KCNMA1: variants seen among roughly 807,000 people sequenced by gnomAD.
KCNMA1 encodes the protein Calcium-activated potassium channel subunit alpha-1.
KCNMA1 carries 29 observed loss-of-function variants against 140.0 expected under a neutral mutation model. That is an observed-to-expected ratio of 0.21 (90% CI 0.15 to 0.28). KCNMA1 has a LOEUF of 0.28. Ranked by LOEUF, KCNMA1 falls within the 10% of genes least tolerant of loss-of-function variation. The pLI, the probability that KCNMA1 is intolerant of heterozygous loss-of-function variation, is 1.00. For synonymous variants in KCNMA1, 612 were observed against 611.9 expected (o/e 1.00, Z 0.00); for missense variants, 880 against 1,602.2 (o/e 0.55, Z 7.70).
chr10:77,212,786 A>T (rs566425855), intron 3 of KCNMA1, among the ~76,000 whole-genome samples: 49 of 152,240 alleles, frequency 3.2e-4, no homozygotes, highest in African/African-American at 1.1e-3. Flanking sequence ...AGCCAAGAGG[A>T]ATCAGCGCTC....
At chr10:77,422,908 T>C (rs1008722559) in intron 1 of KCNMA1, among the ~76,000 whole-genome samples, 3 of 152,254 alleles carry the variant, frequency 2.0e-5, no homozygotes, top group Non-Finnish European at 4.4e-5. Context: ...TCCAGCCTTC[T>C]GAACTGTGAG....
chr10:77,346,649 G>T (rs1399457628), intron 2 of KCNMA1, among the ~76,000 whole-genome samples: 1 of 152,140 alleles, frequency 6.6e-6, no homozygotes, highest in Admixed American at 6.5e-5. Context: ...TGGTCACCTT[G>T]ACTGTTAAAT....
chr10:77,552,403 T>C (rs1183820952), intron 1 of KCNMA1, among the ~76,000 whole-genome samples: 1 of 152,168 alleles, frequency 6.6e-6, no homozygotes, highest in Non-Finnish European at 1.5e-5. Context: ...GAACAAGAAG[T>C]GCATAAACAC....
At chr10:77,023,448 T>G (rs1204916014) in intron 16 of KCNMA1, among the ~76,000 whole-genome samples, 9 of 152,208 alleles carry the variant, frequency 5.9e-5, no homozygotes, top group Non-Finnish European at 1.5e-5. Context: ...AGAACATACT[T>G]TGTGCTTGAT....
intron 1 of KCNMA1, among the ~76,000 whole-genome samples, chr10:77,570,733 A>C (rs10824554): frequency 0.71 from 105,655 of 149,442 alleles, 37,990 homozygotes; most frequent in South Asian, 0.85. Flanking sequence ...AACTTAAAGT[A>C]TAATAATAAT....
At chr10:77,018,827 T>G (rs535931001) in intron 17 of KCNMA1, among the ~76,000 whole-genome samples, 186 bp downstream of exon 17, 19 of 152,226 alleles carry the variant, frequency 1.2e-4, no homozygotes, top group African/African-American at 4.3e-4. Context: ...TTCTAAAATT[T>G]TATTATTCTC....
chr10:77,188,565 T>C (rs151008373), intron 3 of KCNMA1, among the ~76,000 whole-genome samples: 21 of 152,292 alleles, frequency 1.4e-4, no homozygotes, highest in African/African-American at 5.1e-4. Context: ...TTGATTCTTA[T>C]GGAGTAAATG....
At chr10:77,153,410 T>G (rs190350179) in intron 5 of KCNMA1, among the ~76,000 whole-genome samples, 2 of 152,172 alleles carry the variant, frequency 1.3e-5, no homozygotes, top group African/African-American at 4.8e-5. Flanking sequence ...CTGGCCCTAT[T>G]GCCCAGGCTG....
chr10:77,027,794 A>G, intron 16 of KCNMA1, 29 bp downstream of exon 16: 2 of 1,597,930 alleles, frequency 1.3e-6, no homozygotes, highest in South Asian at 1.1e-5. Flanking sequence ...CAAAAGTGTC[A>G]GCTGGCTGCT....
chr10:76,959,140 G>A (rs752993861), intron 20 of KCNMA1, among the ~76,000 whole-genome samples: 1 of 152,140 alleles, frequency 6.6e-6, no homozygotes, highest in Non-Finnish European at 1.5e-5. Flanking sequence ...GATCTGCTCT[G>A]CCAGAGTGGT....
At chr10:77,571,543 A>G (rs1159407631) in intron 1 of KCNMA1, among the ~76,000 whole-genome samples, 1 of 152,194 alleles carries the variant, frequency 6.6e-6, no homozygotes, top group Admixed American at 6.5e-5. Flanking sequence ...AGCCAAAGCC[A>G]AAACAGATAA....
At chr10:77,424,789 A>G (rs1196836669) in intron 1 of KCNMA1, among the ~76,000 whole-genome samples, 1 of 152,202 alleles carries the variant, frequency 6.6e-6, no homozygotes, top group Non-Finnish European at 1.5e-5. Context: ...CATGATTTTG[A>G]CAGATGCACT....
intron 5 of KCNMA1, among the ~76,000 whole-genome samples, chr10:77,169,021 C>A (rs1262952319): frequency 2.6e-5 from 4 of 152,290 alleles, no homozygotes; most frequent in Non-Finnish European, 5.9e-5. Context: ...AACTCCTGAT[C>A]TAGTTGATGA....
chr10:77,393,103 C>T (rs2095892397), intron 2 of KCNMA1, among the ~76,000 whole-genome samples: 1 of 152,218 alleles, frequency 6.6e-6, no homozygotes, highest in Non-Finnish European at 1.5e-5. Context: ...GAGCCAGCTG[C>T]AAAGAGGACG....
At chr10:77,008,106 A>G (rs1406138979) in intron 18 of KCNMA1, 1 of 1,372,644 alleles carries the variant, frequency 7.3e-7, no homozygotes, top group African/African-American at 1.5e-5. Context: ...AAAACTGTAC[A>G]GAAAATTAAA....
chr10:77,202,276 C>T (rs1307114888), intron 3 of KCNMA1, among the ~76,000 whole-genome samples: 1 of 152,158 alleles, frequency 6.6e-6, no homozygotes, highest in Non-Finnish European at 1.5e-5. Context: ...CAAAGGAGTG[C>T]TAATTGAGGC....
chr10:77,553,567 A>G (rs1189789445), intron 1 of KCNMA1, among the ~76,000 whole-genome samples: 1 of 152,212 alleles, frequency 6.6e-6, no homozygotes, highest in Non-Finnish European at 1.5e-5. Context: ...ATGCACACCC[A>G]GTCAGGGCCT....
chr10:77,030,727 G>A (rs2093874074), intron 15 of KCNMA1, among the ~76,000 whole-genome samples: 1 of 152,174 alleles, frequency 6.6e-6, no homozygotes, highest in African/African-American at 2.4e-5. Flanking sequence ...AAAGTCCTAA[G>A]GTCTATGTGG....
At chr10:77,321,852 G>A (rs2082427926) in intron 2 of KCNMA1, among the ~76,000 whole-genome samples, 1 of 152,162 alleles carries the variant, frequency 6.6e-6, no homozygotes, top group Admixed American at 6.5e-5. Context: ...GTTTTTAGGA[G>A]GAAAAGCAAC....
Sources: gnomAD v4.1 joint callset for allele counts (sites outside exome capture counted in the v4.1 genomes callset) on GRCh38, gnomAD v4.1.1 for gene constraint, MANE v1.5 for transcripts, NCBI Gene and HGNC (gene_info 2026-07-23, HGNC 2026-07-21) for gene names.